The following DHX36 variants were observed in gnomAD, a reference collection of about 807,000 sequenced individuals.
DHX36 encodes the protein DEAH-box helicase 36.
DHX36 carries 50 observed loss-of-function variants against 139.0 expected under a neutral mutation model. That is an observed-to-expected ratio of 0.36 (90% CI 0.29 to 0.46). The LOEUF is 0.46. Among genes scored for constraint, DHX36 ranks in the 20% least tolerant of loss-of-function variants. DHX36 has a pLI of 1.00. For missense variants in DHX36, 1,024 were observed against 1,211.3 expected (o/e 0.85, Z 2.29); for synonymous variants, 425 against 401.9 (o/e 1.06, Z -0.69).
At chr3:154,285,309 G>GATACACTATTATACATCTGGAATAC (rs1553756987) in intron 17 of DHX36, among the ~76,000 whole-genome samples, 9 of 152,004 alleles carry the variant, frequency 5.9e-5, no homozygotes, top group African/African-American at 1.9e-4. Context: ...AAAAACAAAA[G>GATACACTATTATACATCTGGAATAC]ATACACTATT....
Position 154,276,248 on chromosome 3 carries a change from T to C in DHX36, c.2950A>G (p.Ile984Val), listed in dbSNP as rs905581871. The C allele has an allele frequency of 1.6e-5, 26 of 1,613,802 alleles. No individual in the cohort carries two copies. The highest frequency in any genetic ancestry group is 2.1e-5 in the Non-Finnish European group (25 of 1,179,894). ...TTTTCCTGTGTTTTGATCAAGTCTA[T>C]AATAGCTGACAGTACTGCACAGTCT... ...SRDCAVLSAI[I>V]DLIKTQEKAT... is the part of the protein sequence containing the mutation. Residue 984 changes from isoleucine (I) to valine (V), a missense_variant, in exon 25 of 25, where the codon ATA becomes GTA. This residue lies in a region of DHX36 where 470 missense variants were observed against 616.2 expected (regional missense o/e 0.76). Coordinates refer to ENST00000496811, the MANE Select transcript of DHX36 (RefSeq NM_020865.3).
At chr3:154,311,497 C>T in intron 4 of DHX36, 139 bp downstream of exon 4, 1 of 642,152 alleles carries the variant, frequency 1.6e-6, no homozygotes, top group Non-Finnish European at 2.5e-6. Flanking sequence ...GTCCTTAATT[C>T]AAAAGAATAA....
chr3:154,291,818 T>C (rs1341965447), intron 15 of DHX36, among the ~76,000 whole-genome samples: 1 of 152,226 alleles, frequency 6.6e-6, no homozygotes, highest in Non-Finnish European at 1.5e-5. Flanking sequence ...ATGGCTCTTA[T>C]CACTCATATG....
intron 6 of DHX36, 34 bp from the exon 7 acceptor site, chr3:154,305,202 G>C (rs1315067254): frequency 1.9e-6 from 3 of 1,563,192 alleles, no homozygotes; most frequent in Non-Finnish European, 2.6e-6. Context: ...ATAAGCCTTG[G>C]TTTTCTCTTC....
At chr3:154,293,049 T>C (rs1047648586) in intron 14 of DHX36, among the ~76,000 whole-genome samples, 2 of 152,050 alleles carry the variant, frequency 1.3e-5, no homozygotes, top group African/African-American at 2.4e-5. Flanking sequence ...TGGTTTAATA[T>C]CAGCTTCCAG....
At chr3:154,306,821 A>C (rs1712517777) in intron 5 of DHX36, among the ~76,000 whole-genome samples, 1 of 152,178 alleles carries the variant, frequency 6.6e-6, no homozygotes, top group Admixed American at 6.5e-5. Flanking sequence ...GTGACAGAAC[A>C]GTGATAATAA....
At chr3:154,276,691 C>T in intron 24 of DHX36, 56 bp downstream of exon 24, 9 of 1,550,388 alleles carry the variant, frequency 5.8e-6, no homozygotes, top group Non-Finnish European at 8.0e-6. Flanking sequence ...AACAAAACCA[C>T]ATGACCACAT....
chr3:154,293,400 G>C (rs573652785), intron 14 of DHX36, among the ~76,000 whole-genome samples: 6 of 152,202 alleles, frequency 3.9e-5, no homozygotes, highest in East Asian at 1.9e-4. Flanking sequence ...GGGCAACATA[G>C]TGAGACTCCA....
rs757212888 is a variant in DHX36, at chr3:154,283,263, T to C, written c.2301A>G (p.Glu767=). 1 of 1,612,292 alleles carries C rather than the reference T, an allele frequency of 6.2e-7. No homozygotes were observed. Among genetic ancestry groups the C allele is most frequent in the Non-Finnish European group, 8.5e-7 (1 of 1,178,490 alleles). The change falls in exon 20 of 25, where the codon GAA becomes GAG. Residue 767 remains glutamate, a synonymous_variant. Coordinates refer to ENST00000496811, the MANE Select transcript of DHX36 (RefSeq NM_020865.3). ...ATCTGAAACCACGTCGCCTAGCCTC[T>C]TCCCAGCCCTATGGGGCAAAGAAAT... ...LTVVNAFEGW[E]EARRRGFRYE...
rs1332313818 is a variant in DHX36 at position 154,276,919 on chromosome 3, G to T, written c.2689-20C>A. The T allele has an allele frequency of 1.9e-6, 3 of 1,595,490 alleles. No homozygotes were observed. Among genetic ancestry groups the T allele is most frequent in the Non-Finnish European group, 2.6e-6 (3 of 1,172,982 alleles). ...GTATATCTGTAATGAAAATTAAAGT[G>T]AATTAATACATTCAGGAGTCTGAAA... On this transcript the variant is annotated intron_variant, in intron 23 of 24. Transcript: ENST00000496811.
intron 15 of DHX36, among the ~76,000 whole-genome samples, chr3:154,291,567 T>C (rs1037734323): frequency 6.6e-6 from 1 of 152,218 alleles, no homozygotes; most frequent in Non-Finnish European, 1.5e-5. Flanking sequence ...TTTGGTTCAA[T>C]AGCATCAACT....
chr3:154,278,398 T>TA (rs1719223276), intron 22 of DHX36: 2 of 152,160 alleles, frequency 1.3e-5, no homozygotes, highest in Non-Finnish European at 2.9e-5. Flanking sequence ...TTAATGTTAA[T>TA]TACCTGTATT....
At chr3:154,324,074 C>G (rs1301918012) in intron 1 of DHX36, 100 bp downstream of exon 1, 3 of 1,304,780 alleles carry the variant, frequency 2.3e-6, no homozygotes, top group Non-Finnish European at 2.1e-6. Context: ...TCACAAAACA[C>G]GTGCATCACT....
At chr3:154,289,862 G>T in intron 15 of DHX36, 36 bp from the exon 16 acceptor site, 2 of 1,331,300 alleles carry the variant, frequency 1.5e-6, no homozygotes, top group Non-Finnish European at 1.1e-6. Flanking sequence ...AAACAAAGAG[G>T]GACAGTCATC....
intron 5 of DHX36, among the ~76,000 whole-genome samples, chr3:154,309,296 G>C (rs761821271): frequency 9.4e-5 from 14 of 149,404 alleles, no homozygotes; most frequent in Admixed American, 5.3e-4. Context: ...AAAAATGACA[G>C]AAGTAAAAAA....
intron 17 of DHX36, 65 bp from the exon 18 acceptor site, chr3:154,285,052 C>T (rs1401024651): frequency 2.0e-6 from 3 of 1,538,154 alleles, no homozygotes; most frequent in Non-Finnish European, 1.8e-6. Flanking sequence ...ACGATTTTAG[C>T]TTGCTTTAAA....
At chr3:154,279,282 A>G (rs1286251688) in intron 22 of DHX36, 14 of 152,220 alleles carry the variant, frequency 9.2e-5, no homozygotes, top group Admixed American at 9.2e-4. Context: ...TTCCAACAAA[A>G]AAAGGACAAA....
intron 20 of DHX36, among the ~76,000 whole-genome samples, chr3:154,282,625 T>G (rs926068790): frequency 1.3e-5 from 2 of 152,116 alleles, no homozygotes; most frequent in African/African-American, 4.8e-5. Context: ...TATGTTAGAT[T>G]TTTTTGTTTA....
intron 6 of DHX36, 59 bp from the exon 7 acceptor site, chr3:154,305,227 C>G (rs919420986): frequency 1.4e-6 from 2 of 1,409,206 alleles, no homozygotes; most frequent in Non-Finnish European, 2.0e-6. Flanking sequence ...AATTAACTAC[C>G]ACAAAGGTTT....
Sources: gnomAD v4.1 joint callset for allele counts (sites outside exome capture counted in the v4.1 genomes callset) on GRCh38, gnomAD v4.1.1 for gene constraint, gnomAD v4.1.1 regional missense constraint, MANE v1.5 for transcripts, NCBI Gene and HGNC (gene_info 2026-07-23, HGNC 2026-07-21) for gene names.